The following ZNF234 variants were observed in gnomAD, a reference collection of about 807,000 sequenced individuals.
ZNF234 encodes the protein C2-H2 type zinc finger protein.
ZNF234 carries 4 observed loss-of-function variants against 10.3 expected under a neutral mutation model. The ratio of observed to expected loss-of-function variants is 0.39; its 90% CI spans 0.19 to 0.89. The LOEUF is 0.89. Among genes scored for constraint, ZNF234 ranks in the 40% least tolerant of loss-of-function variants. ZNF234 has a pLI of 0.38. For synonymous variants in ZNF234, 258 were observed against 280.1 expected, an observed-to-expected ratio of 0.92 and a Z score of 0.79; for missense variants, 711 against 836.1, an observed-to-expected ratio of 0.85 and a Z score of 1.85.
Position 44,156,517 on chromosome 19 carries a change from A to T in ZNF234, c.501A>T (p.Gln167His). The T allele has an allele frequency of 6.2e-7, 1 of 1,614,248 alleles. No homozygotes were observed. The highest frequency in any genetic ancestry group is 8.5e-7 in the Non-Finnish European group (1 of 1,180,040). The change falls in exon 6 of 6, where the codon CAA becomes CAT. Residue 167 changes from glutamine to histidine, a missense_variant. Coordinates refer to ENST00000426739, the MANE Select transcript of ZNF234 (RefSeq NM_006630.3). ...FTDVFNFDLH[Q>H]QLHSGEKSHT... ...ATGTCTTCAACTTTGATCTTCATCA[A>T]CAGTTACACTCAGGAGAGAAGTCTC...
At position 44,157,009 on chromosome 19, in the gene ZNF234, T is replaced by C. The variant is rs895356223; in HGVS notation, c.993T>C (p.Leu331=). 7.4e-6 allele frequency: 12 copies of C among 1,614,014 alleles called. No homozygotes were observed. Among genetic ancestry groups the C allele is most frequent in the Non-Finnish European group, 1.0e-5 (12 of 1,179,946 alleles). The change falls in exon 6 of 6, where the codon CTT becomes CTC. Residue 331 remains leucine, a synonymous_variant. Transcript: ENST00000426739. ...AGTGTTTCACTTGTAGCTCAAACCT[T>C]CGTATCCATCAAAGGGTCCACACAG... ...CGKCFTCSSN[L]RIHQRVHTGE...
chr19:44,144,973 C>T (rs921101618), intron 3 of ZNF234, among the ~76,000 whole-genome samples: 8 of 152,052 alleles, frequency 5.3e-5, no homozygotes, highest in African/African-American at 1.9e-4. Flanking sequence ...GATGTGGAAC[C>T]CATGGATGTG....
At chr19:44,151,528 A>G (rs1037408632) in intron 5 of ZNF234, among the ~76,000 whole-genome samples, 1 of 152,174 alleles carries the variant, frequency 6.6e-6, no homozygotes, top group Admixed American at 6.6e-5. Flanking sequence ...CTGCTGTAAC[A>G]TATTACCCCA....
At chr19:44,148,085 T>C (rs547027019) in intron 3 of ZNF234, among the ~76,000 whole-genome samples, 1 of 152,352 alleles carries the variant, frequency 6.6e-6, no homozygotes, top group East Asian at 1.9e-4. Flanking sequence ...GTCTGCGCCA[T>C]ACACTATTCC....
chr19:44,153,856 T>C (rs951383012), intron 5 of ZNF234, among the ~76,000 whole-genome samples: 1 of 152,244 alleles, frequency 6.6e-6, no homozygotes, highest in Non-Finnish European at 1.5e-5. Context: ...TTGACATGCA[T>C]TTATTGAGCA....
Position 44,156,981 on chromosome 19 carries a change from G to T in ZNF234, c.965G>T (p.Gly322Val). ...AAACCATACAAATGTGAGGACTGTG[G>T]TAAGTGTTTCACTTGTAGCTCAAAC... is the stretch of plus-strand genomic sequence containing the variant. ...GEKPYKCEDC[G>V]KCFTCSSNLR... The change falls in exon 6 of 6, where the codon GGT becomes GTT. Residue 322 changes from glycine to valine, a missense_variant. Physicochemically the swap from Gly to Val is moderately radical, Grantham distance 109 (BLOSUM62 -3). Coordinates refer to ENST00000426739, the MANE Select transcript of ZNF234 (RefSeq NM_006630.3). 1 of 1,614,046 alleles carries T rather than the reference G, an allele frequency of 6.2e-7. No individual in the cohort carries two copies. The highest frequency in any genetic ancestry group is 8.5e-7 in the Non-Finnish European group (1 of 1,179,964).
rs1968935148 is a variant in ZNF234, at chr19:44,157,609, G to A, written c.1593G>A (p.Gln531=). 3 of 1,614,050 alleles carry A rather than the reference G, an allele frequency of 1.9e-6. No homozygotes were observed. The highest frequency in any genetic ancestry group is 2.5e-6 in the Non-Finnish European group (3 of 1,180,006). The part of the protein sequence containing the change: ...FSQASHLLTH[Q]RVHSGEKPFK... ...AGGCCTCGCATCTTCTAACCCATCA[G>A]AGAGTTCACAGTGGGGAAAAACCAT... Residue 531 remains glutamine (Q), a synonymous_variant, in exon 6 of 6, where the codon CAG becomes CAA. Coordinates refer to ENST00000426739, the MANE Select transcript of ZNF234 (RefSeq NM_006630.3).
At chr19:44,146,603 A>G (rs1234492059) in intron 3 of ZNF234, among the ~76,000 whole-genome samples, 1 of 152,172 alleles carries the variant, frequency 6.6e-6, no homozygotes, top group Non-Finnish European at 1.5e-5. Flanking sequence ...ATTAAGAGAA[A>G]AACAAGTTGG....
rs1435295071 is a variant in ZNF234, at chr19:44,158,866, C to G, written c.*747C>G. ...CAGGAACTTTGCTACCGAATCTATA[C>G]AACCTTAACATTGACTAGTGCTTGT... On this transcript the variant is annotated 3_prime_UTR_variant, in exon 6 of 6. Transcript: ENST00000426739. 2 of 152,714 alleles carry G rather than the reference C, an allele frequency of 1.3e-5. No homozygotes were observed. Among genetic ancestry groups the G allele is most frequent in the African/African-American group, 4.8e-5 (2 of 41,454 alleles). 9.5% of individuals were successfully genotyped at this position (152,714 alleles called of 1,614,324 possible). A position where few individuals can be genotyped will look rare whatever the true frequency, so the allele number is the denominator to read the frequency against.
Position 44,156,542 on chromosome 19 carries a change from C to T in ZNF234, c.526C>T (p.His176Tyr). 1 of 1,614,012 alleles carries T rather than the reference C, an allele frequency of 6.2e-7. No individual in the cohort carries two copies. Among genetic ancestry groups the T allele is most frequent in the African/African-American group, 1.3e-5 (1 of 74,986 alleles). ...ACAGTTACACTCAGGAGAGAAGTCT[C>T]ATACATGTGATGAGTGTGGAAAAAG... is the stretch of plus-strand genomic sequence containing the variant. ...HQQLHSGEKSHTCDECGKSFC... is the reference protein window; with the variant it reads ...HQQLHSGEKSYTCDECGKSFC... Residue 176 changes from histidine (H) to tyrosine (Y), a missense_variant, in exon 6 of 6, where the codon CAT becomes TAT. Physicochemically the swap from His to Tyr is moderately conservative, Grantham distance 83. Coordinates refer to ENST00000426739, the MANE Select transcript of ZNF234 (RefSeq NM_006630.3).
At chr19:44,153,251 G>C (rs1968794197) in intron 5 of ZNF234, among the ~76,000 whole-genome samples, 1 of 148,418 alleles carries the variant, frequency 6.7e-6, no homozygotes, top group Non-Finnish European at 1.5e-5. Flanking sequence ...GTTGGAAATT[G>C]TCTTTCCATT....
intron 2 of ZNF234, 132 bp downstream of exon 2, chr19:44,142,499 G>T (rs950603968): frequency 6.6e-6 from 1 of 152,196 alleles, no homozygotes; most frequent in African/African-American, 2.4e-5. Flanking sequence ...AATTAGATAC[G>T]TTTAAGCCGC....
chr19:44,144,842 C>T (rs1968552701), intron 3 of ZNF234, among the ~76,000 whole-genome samples, 195 bp downstream of exon 3: 1 of 152,192 alleles, frequency 6.6e-6, no homozygotes, highest in Admixed American at 6.5e-5. Flanking sequence ...GTGGGTTTCA[C>T]ATCTAGGGGT....
chr19:44,143,196 C>T (rs1318072236), intron 2 of ZNF234, among the ~76,000 whole-genome samples: 5 of 118,072 alleles, frequency 4.2e-5, no homozygotes, highest in Admixed American at 9.8e-5. Context: ...TGCCTGAGTC[C>T]TGAGTTATGG....
At position 44,148,892 on chromosome 19, in the gene ZNF234, C is replaced by G; in HGVS notation, c.137C>G (p.Ser46Ter). 6.2e-7 allele frequency: 1 copy of G among 1,613,156 alleles called. No individual in the cohort carries two copies. The highest frequency in any genetic ancestry group is 8.5e-7 in the Non-Finnish European group (1 of 1,179,470). The change falls in exon 4 of 6, where the codon TCA becomes TGA. Residue 46 changes from serine (S) to a stop codon, truncating the protein, a stop_gained. Coordinates refer to ENST00000426739, the MANE Select transcript of ZNF234 (RefSeq NM_006630.3). LOFTEE classifies it high-confidence loss of function. ...CTGGAGAACTTCAGGAACCTGCTGTCAGTGGGTGAGGACATGAGCTTTCTA... is the reference window on the plus strand; with the variant it reads ...CTGGAGAACTTCAGGAACCTGCTGTGAGTGGGTGAGGACATGAGCTTTCTA... ...VMLENFRNLL[S>*]VGHHPFKHDV...
chr19:44,151,631 GC>G (rs202057333), intron 5 of ZNF234, among the ~76,000 whole-genome samples: 3,459 of 152,252 alleles, frequency 0.023, 233 homozygotes, highest in Admixed American at 0.13. Context: ...CAAGCTGTCA[GC>G]CCGTCCCTGT....
intron 5 of ZNF234, among the ~76,000 whole-genome samples, chr19:44,154,490 T>C (rs1297323039): frequency 6.6e-6 from 1 of 152,194 alleles, no homozygotes; most frequent in Non-Finnish European, 1.5e-5. Context: ...GCTCCCAGCC[T>C]GCAAGTCATG....
rs780294055 is a variant in ZNF234, at chr19:44,157,050, A to G, written c.1034A>G (p.Lys345Arg). ...GTCCACACAGGAGAGAAACCTTACA[A>G]GTGTGAAGAATGTGGTAAGTGCTTT... ...QRVHTGEKPY[K>R]CEECGKCFIQ... Residue 345 changes from lysine to arginine, a missense_variant, in exon 6 of 6, where the codon AAG (lysine) becomes AGG (arginine). Lys to Arg is a conservative substitution (Grantham distance 26, BLOSUM62 2). Transcript: ENST00000426739. 3 of 1,614,220 alleles carry G rather than the reference A, an allele frequency of 1.9e-6. No homozygotes were observed. The highest frequency in any genetic ancestry group is 2.5e-6 in the Non-Finnish European group (3 of 1,180,036).
In ZNF234 at chr19:44,156,815, AG is replaced by A; in HGVS notation, c.802del (p.Ala268ProfsTer144). 1 of 1,609,462 alleles carries A rather than the reference AG, an allele frequency of 6.2e-7. No homozygotes were observed. The highest frequency in any genetic ancestry group is 8.5e-7 in the Non-Finnish European group (1 of 1,176,560). ...EKPYNCEECG[R>X]AFIHASHLQE... The stretch of plus-strand genomic sequence containing the variant: ...ACCTTACAATTGTGAGGAATGTGGA[AG>A]GGCCTTCATACATGCTTCCCATCTT... On this transcript the variant is annotated frameshift_variant, in exon 6 of 6. Transcript: ENST00000426739. LOFTEE classifies it low-confidence loss of function (END_TRUNC).
Sources: gnomAD v4.1 joint callset for allele counts (sites outside exome capture counted in the v4.1 genomes callset) on GRCh38, gnomAD v4.1.1 for gene constraint, MANE v1.5 for transcripts, NCBI Gene and HGNC (gene_info 2026-07-23, HGNC 2026-07-21) for gene names.